Variants in CSMD1 observed in about 807,000 individuals in gnomAD.
CSMD1 encodes CUB and Sushi multiple domains 1.
CSMD1 carries 213 observed loss-of-function variants against 417.5 expected under a neutral mutation model. The ratio of observed to expected loss-of-function variants is 0.51; its 90% CI spans 0.46 to 0.57. The LOEUF (loss-of-function observed/expected upper bound fraction) is 0.57. Ranked by LOEUF, CSMD1 falls within the 20% of genes least tolerant of loss-of-function variation. The pLI, the probability that CSMD1 is intolerant of heterozygous loss-of-function variation, is 0.00. For synonymous variants in CSMD1, 2,862 were observed against 1,736.8 expected (o/e 1.65, Z -16.11); for missense variants, 6,923 against 4,529.7 (o/e 1.53, Z -15.17).
intron 1 of CSMD1, among the ~76,000 whole-genome samples, chr8:4,967,484 A>G (rs1218678889): frequency 1.3e-5 from 2 of 152,180 alleles, no homozygotes; most frequent in Non-Finnish European, 2.9e-5. Flanking sequence ...TAGGTGTTCT[A>G]TGTACACACT....
At chr8:3,974,954 C>G (rs114931678) in intron 5 of CSMD1, among the ~76,000 whole-genome samples, 2 of 152,058 alleles carry the variant, frequency 1.3e-5, no homozygotes, top group Non-Finnish European at 2.9e-5. Flanking sequence ...AAAACTAACA[C>G]CTGTTAAGAA....
At chr8:3,252,325 G>C (rs371135644) in intron 26 of CSMD1, among the ~76,000 whole-genome samples, 2 of 152,100 alleles carry the variant, frequency 1.3e-5, no homozygotes, top group Non-Finnish European at 2.9e-5. Flanking sequence ...ATTATCACGT[G>C]GTTTTTGTCT....
intron 3 of CSMD1, among the ~76,000 whole-genome samples, chr8:4,359,237 T>G (rs936358332): frequency 6.6e-6 from 1 of 152,194 alleles, no homozygotes; most frequent in Non-Finnish European, 1.5e-5. Flanking sequence ...GTGTCCCTCC[T>G]TCTGAGATTA....
intron 1 of CSMD1, among the ~76,000 whole-genome samples, chr8:4,766,170 G>A (rs1303385574): frequency 6.6e-6 from 1 of 152,158 alleles, no homozygotes. Flanking sequence ...CTGTAGACCT[G>A]ATGCATTTTC....
intron 1 of CSMD1, among the ~76,000 whole-genome samples, chr8:4,725,126 T>C (rs1809341357): frequency 6.6e-6 from 1 of 152,160 alleles, no homozygotes; most frequent in Admixed American, 6.5e-5. Context: ...GGTATATATG[T>C]TTTACACATT....
chr8:4,569,641 C>G (rs1431329680), intron 2 of CSMD1, among the ~76,000 whole-genome samples: 1 of 151,996 alleles, frequency 6.6e-6, no homozygotes. Context: ...TTTTTTGGTT[C>G]CACATGACCT....
intron 12 of CSMD1, 71 bp downstream of exon 12, chr8:3,468,641 C>G (rs1224744556): frequency 1.1e-5 from 10 of 912,850 alleles, no homozygotes; most frequent in Non-Finnish European, 1.7e-5. Flanking sequence ...TCTACCTAAC[C>G]AACACAGAAT....
intron 2 of CSMD1, among the ~76,000 whole-genome samples, chr8:4,562,898 A>G (rs1410006849): frequency 6.6e-6 from 1 of 152,218 alleles, no homozygotes; most frequent in Non-Finnish European, 1.5e-5. Flanking sequence ...CCTTTCCTTC[A>G]TAATAAAAAT....
intron 12 of CSMD1, among the ~76,000 whole-genome samples, chr8:3,424,556 A>G (rs760462321): frequency 6.6e-6 from 1 of 152,350 alleles, no homozygotes; most frequent in South Asian, 2.1e-4. Flanking sequence ...TAGTTTTTGT[A>G]ATTACACTTA....
chr8:3,309,281 G>A (rs62504432), intron 23 of CSMD1, among the ~76,000 whole-genome samples: 12,610 of 151,826 alleles, frequency 0.083, 674 homozygotes, highest in Non-Finnish European at 0.12. Context: ...CCACCTTCCC[G>A]ACAACTTCTT....
At chr8:4,486,156 T>C (rs191304095) in intron 2 of CSMD1, among the ~76,000 whole-genome samples, 931 of 23,748 alleles carry the variant, frequency 0.039, 24 homozygotes, top group African/African-American at 0.11. Flanking sequence ...TATATATATA[T>C]ACATACATAT....
chr8:4,561,593 G>A (rs561810060), intron 2 of CSMD1, among the ~76,000 whole-genome samples: 2 of 152,174 alleles, frequency 1.3e-5, no homozygotes, highest in African/African-American at 2.4e-5. Context: ...GAAGTGGGAG[G>A]ATCCCTTGAG....
chr8:3,035,061 C>G (rs930698942), intron 50 of CSMD1, among the ~76,000 whole-genome samples: 2 of 152,106 alleles, frequency 1.3e-5, no homozygotes, highest in East Asian at 3.9e-4. Context: ...AGTGGAGTTA[C>G]AGTCAGGAGG....
chr8:4,080,690 C>A (rs542468382), intron 3 of CSMD1, among the ~76,000 whole-genome samples: 1 of 152,088 alleles, frequency 6.6e-6, no homozygotes, highest in Admixed American at 6.6e-5. Context: ...ATGGGTATTT[C>A]TTCAGTGAAG....
chr8:4,713,567 A>G (rs952251233), intron 1 of CSMD1, among the ~76,000 whole-genome samples: 1 of 152,066 alleles, frequency 6.6e-6, no homozygotes, highest in African/African-American at 2.4e-5. Context: ...ACGCCTAGTT[A>G]ATTTTTTATT....
intron 1 of CSMD1, among the ~76,000 whole-genome samples, chr8:4,736,033 T>C (rs1810211143): frequency 6.6e-6 from 1 of 152,218 alleles, no homozygotes; most frequent in African/African-American, 2.4e-5. Flanking sequence ...ACACTCAGGC[T>C]ATTATGGACA....
At chr8:3,653,468 C>T (rs904430926) in intron 7 of CSMD1, among the ~76,000 whole-genome samples, 8 of 152,052 alleles carry the variant, frequency 5.3e-5, no homozygotes, top group Admixed American at 3.3e-4. Context: ...AACACCACAC[C>T]CGGCTATTTT....
At chr8:3,805,167 G>C (rs73172233) in intron 5 of CSMD1, among the ~76,000 whole-genome samples, 1 of 152,138 alleles carries the variant, frequency 6.6e-6, no homozygotes, top group African/African-American at 2.4e-5. Flanking sequence ...CATTCAAAGA[G>C]ACCACAATAT....
rs190967060 is a variant in CSMD1, at chr8:4,174,949, T to G, written c.416-142850A>C. 2.9e-3 allele frequency among the ~76,000 whole-genome samples: 445 copies of G among 151,352 alleles called. 5 individuals carry two copies. The highest frequency in any genetic ancestry group is 0.01 in the African/African-American group (416 of 41,068). Reference sequence around the variant, plus strand: ...TCAACTCCTTAATTTAATATTGAAGTCTTTAAAATTAGTATTGATGGCTCT... The same window carrying G: ...TCAACTCCTTAATTTAATATTGAAGGCTTTAAAATTAGTATTGATGGCTCT... On this transcript the variant is annotated intron_variant, in intron 3 of 69. Transcript: ENST00000635120.
Sources: gnomAD v4.1 joint callset for allele counts (sites outside exome capture counted in the v4.1 genomes callset) on GRCh38, gnomAD v4.1.1 for gene constraint, MANE v1.5 for transcripts, NCBI Gene and HGNC (gene_info 2026-07-23, HGNC 2026-07-21) for gene names.